The following PITPNC1 variants were observed in gnomAD, a reference collection of about 807,000 sequenced individuals.
PITPNC1 encodes the protein cytoplasmic phosphatidylinositol transfer protein 1.
Under a neutral mutation model 44.7 loss-of-function variants are expected in PITPNC1, and 18 were observed. The ratio of observed to expected loss-of-function variants is 0.40; its 90% confidence interval spans 0.28 to 0.60. The LOEUF (loss-of-function observed/expected upper bound fraction) is 0.60. Among genes scored for constraint, PITPNC1 ranks in the 20% least tolerant of loss-of-function variants. The probability of loss-of-function intolerance (pLI) is 0.39; values close to 1 mark genes in which losing one functional copy is unlikely to be tolerated. For missense variants in PITPNC1, 290 were observed against 418.4 expected (o/e 0.69, Z 2.68); for synonymous variants, 141 against 149.6 (o/e 0.94, Z 0.42).
At chr17:67,652,053 T>C (rs2042215064) in intron 6 of PITPNC1, among the ~76,000 whole-genome samples, 1 of 152,222 alleles carries the variant, frequency 6.6e-6, no homozygotes, top group African/African-American at 2.4e-5. Context: ...AGTTACATAA[T>C]GTAGCAATTC....
intron 6 of PITPNC1, among the ~76,000 whole-genome samples, chr17:67,648,783 T>C (rs2042178374): frequency 1.3e-5 from 2 of 152,116 alleles, no homozygotes; most frequent in African/African-American, 4.8e-5. Context: ...ATTGGGAGTA[T>C]ACTTCTTGCC....
intron 8 of PITPNC1, among the ~76,000 whole-genome samples, chr17:67,686,619 A>G (rs1378131731): frequency 6.6e-6 from 1 of 152,208 alleles, no homozygotes; most frequent in East Asian, 1.9e-4. Flanking sequence ...TATAACAGCA[A>G]TGAAAGTGTC....
At chr17:67,641,169 C>G (rs1445322012) in intron 6 of PITPNC1, among the ~76,000 whole-genome samples, 1 of 152,104 alleles carries the variant, frequency 6.6e-6, no homozygotes, top group South Asian at 2.1e-4. Context: ...TCAGGGAAGA[C>G]TTTACAGCAG....
At chr17:67,435,177 G>T (rs916240368) in intron 1 of PITPNC1, among the ~76,000 whole-genome samples, 1 of 151,344 alleles carries the variant, frequency 6.6e-6, no homozygotes, top group African/African-American at 2.4e-5. Context: ...TTTGAACCTT[G>T]GCTCCTCTTG....
intron 6 of PITPNC1, among the ~76,000 whole-genome samples, chr17:67,644,739 C>T (rs1398983621): frequency 6.6e-6 from 1 of 152,116 alleles, no homozygotes; most frequent in Non-Finnish European, 1.5e-5. Context: ...TCTGTTCTTT[C>T]AAGAAAACAG....
Position 67,470,576 on chromosome 17 carries a change from T to TGG in PITPNC1, c.49-62219_49-62218dup, listed in dbSNP as rs149004177. On this transcript the variant is annotated intron_variant, in intron 1 of 8. Transcript: ENST00000581322. ...CCATATTCCCCGTCCGGGAGGGAGG[T>TGG]GGGGGGGGTCAGCCCCCCTGCCCGG... is the stretch of plus-strand genomic sequence containing the variant. Among the ~76,000 whole-genome samples the TGG allele has an allele frequency of 1.8e-3, 277 of 151,350 alleles. 1 individual carries two copies. The highest frequency in any genetic ancestry group is 5.2e-3 in the South Asian group (25 of 4,776).
chr17:67,510,132 T>C (rs1226022591), intron 1 of PITPNC1, among the ~76,000 whole-genome samples: 4 of 152,112 alleles, frequency 2.6e-5, no homozygotes, highest in African/African-American at 9.7e-5. Context: ...ATTGGGTGAG[T>C]AAAGGGAAAG....
intron 1 of PITPNC1, among the ~76,000 whole-genome samples, chr17:67,521,498 A>AT (rs2040324490): frequency 6.6e-6 from 1 of 152,114 alleles, no homozygotes; most frequent in Non-Finnish European, 1.5e-5. Flanking sequence ...GTGGGATCGG[A>AT]TATTGGTTTT....
At chr17:67,568,567 C>T (rs985438521) in intron 4 of PITPNC1, among the ~76,000 whole-genome samples, 1 of 151,986 alleles carries the variant, frequency 6.6e-6, no homozygotes, top group Non-Finnish European at 1.5e-5. Flanking sequence ...TGCTCTGTCA[C>T]CCAGGCTGGA....
intron 5 of PITPNC1, among the ~76,000 whole-genome samples, chr17:67,607,703 A>G (rs1371639501): frequency 6.6e-6 from 1 of 150,672 alleles, no homozygotes; most frequent in Non-Finnish European, 1.5e-5. Context: ...ATATACAGAC[A>G]TCATGACTCC....
intron 4 of PITPNC1, among the ~76,000 whole-genome samples, chr17:67,561,446 ACT>A (rs374623003): frequency 7.7e-4 from 116 of 150,122 alleles, no homozygotes; most frequent in African/African-American, 2.7e-3. Flanking sequence ...ACAATGTAAG[ACT>A]CTGTCTCAAA....
In PITPNC1 at chr17:67,398,903, T is replaced by TA. The variant is rs2038262280; in HGVS notation, c.48+20702dup. On this transcript the variant is annotated intron_variant, in intron 1 of 8. Coordinates refer to ENST00000581322, the MANE Select transcript of PITPNC1 (RefSeq NM_012417.4). The stretch of plus-strand genomic sequence containing the variant: ...TCGCTCAGCTCATGAGGCATGCACT[T>TA]ATGAAGCTTTCTCACCTTTCCAATT... 2.0e-5 allele frequency among the ~76,000 whole-genome samples: 3 copies of TA among 152,110 alleles called. No homozygotes were observed. In the South Asian group the frequency reaches 6.2e-4, roughly 31 times the overall value.
intron 1 of PITPNC1, among the ~76,000 whole-genome samples, chr17:67,462,779 C>A (rs559408224): frequency 6.6e-6 from 1 of 150,464 alleles, no homozygotes; most frequent in Admixed American, 6.6e-5. Context: ...ATCGGCTCAC[C>A]GCAACCTCCG....
At chr17:67,679,297 C>A (rs1420865903) in intron 8 of PITPNC1, among the ~76,000 whole-genome samples, 1 of 152,158 alleles carries the variant, frequency 6.6e-6, no homozygotes, top group Non-Finnish European at 1.5e-5. Flanking sequence ...TTGCAGGAAC[C>A]CAAATTCTTA....
intron 6 of PITPNC1, among the ~76,000 whole-genome samples, chr17:67,662,882 G>C (rs2042368760): frequency 6.6e-6 from 1 of 152,166 alleles, no homozygotes; most frequent in Non-Finnish European, 1.5e-5. Flanking sequence ...ACCCTGTGGT[G>C]AGCATAGTAC....
At chr17:67,454,373 G>T (rs1221567182) in intron 1 of PITPNC1, among the ~76,000 whole-genome samples, 1 of 151,996 alleles carries the variant, frequency 6.6e-6, no homozygotes, top group Non-Finnish European at 1.5e-5. Context: ...CCATCTAAAA[G>T]CTTTGGTTTC....
At chr17:67,395,483 A>G (rs1198317792) in intron 1 of PITPNC1, among the ~76,000 whole-genome samples, 1 of 152,162 alleles carries the variant, frequency 6.6e-6, no homozygotes, top group Non-Finnish European at 1.5e-5. Flanking sequence ...GGTTATCACT[A>G]GAGAAGTCTG....
intron 6 of PITPNC1, among the ~76,000 whole-genome samples, chr17:67,647,597 C>A (rs1370642720): frequency 1.3e-5 from 2 of 149,958 alleles, no homozygotes; most frequent in South Asian, 2.1e-4. Context: ...AGGTGTGAGC[C>A]ACCACACCCA....
intron 1 of PITPNC1, among the ~76,000 whole-genome samples, chr17:67,456,111 A>G (rs1201678649): frequency 6.6e-6 from 1 of 152,228 alleles, no homozygotes; most frequent in East Asian, 1.9e-4. Flanking sequence ...AAAAACTTTA[A>G]GTAACTTGTC....
Sources: gnomAD v4.1 joint callset for allele counts (sites outside exome capture counted in the v4.1 genomes callset) on GRCh38, gnomAD v4.1.1 for gene constraint, MANE v1.5 for transcripts, NCBI Gene and HGNC (gene_info 2026-07-23, HGNC 2026-07-21) for gene names.